The following DNAJC7 variants were observed in gnomAD, a reference collection of about 807,000 sequenced individuals.
DNAJC7 encodes the protein DnaJ heat shock protein family (Hsp40) member C7.
In DNAJC7, 18 loss-of-function variants were observed where a neutral mutation model predicts 67.4. That is an observed-to-expected ratio of 0.27 (90% CI 0.18 to 0.40). The LOEUF is 0.40. Among genes scored for constraint, DNAJC7 ranks in the 10% least tolerant of loss-of-function variants. DNAJC7 has a pLI of 1.00. For missense variants in DNAJC7, 419 were observed against 613.8 expected, an observed-to-expected ratio of 0.68 and a Z score of 3.35; for synonymous variants, 220 against 207.8, an observed-to-expected ratio of 1.06 and a Z score of -0.50.
chr17:41,978,927 T>G (rs924690271), intron 12 of DNAJC7, among the ~76,000 whole-genome samples: 1 of 152,080 alleles, frequency 6.6e-6, no homozygotes, highest in Non-Finnish European at 1.5e-5. Context: ...TTATAGATCT[T>G]CTTAACTGCT....
chr17:42,003,950 A>AT (rs10631965), intron 1 of DNAJC7, among the ~76,000 whole-genome samples: 10,313 of 93,864 alleles, frequency 0.11, 1,233 homozygotes, highest in African/African-American at 0.28. Flanking sequence ...AAGATTTTCA[A>AT]TTTTTTTTTT....
At chr17:41,986,911 T>C (rs2051398202) in intron 9 of DNAJC7, among the ~76,000 whole-genome samples, 1 of 152,204 alleles carries the variant, frequency 6.6e-6, no homozygotes, top group Non-Finnish European at 1.5e-5. Context: ...TACTGGCTCA[T>C]CAGGCATCAG....
rs1171329263 is a variant in DNAJC7 at position 41,994,196 on chromosome 17, C to T, written c.480+674G>A. ...ACTAAAAATACAAAAATTAGCTGGG[C>T]GTGGTGGCGCATGCCTATAATCCCA... On this transcript the variant is annotated intron_variant, in intron 5 of 13. Coordinates refer to ENST00000457167, the MANE Select transcript of DNAJC7 (RefSeq NM_003315.4). 9.2e-5 allele frequency among the ~76,000 whole-genome samples: 14 copies of T among 151,662 alleles called. 1 individual carries two copies. The highest frequency in any genetic ancestry group is 2.2e-4 in the African/African-American group (9 of 41,226).
At position 41,988,800 on chromosome 17, in the gene DNAJC7, C is replaced by G. The variant is rs1249042582; in HGVS notation, c.850G>C (p.Gly284Arg). Residue 284 changes from glycine to arginine, a missense_variant, in exon 8 of 14, where the codon GGG becomes CGG. Physicochemically the swap from Gly to Arg is moderately radical, Grantham distance 125. Transcript: ENST00000457167. ...GTTTTTATATTGTTGGGGTCTATCC[C>G]CAGGGCTTCTGTGTACAGTTCATAT... ...LAYELYTEAL[G>R]IDPNNIKTNA... 6.2e-7 allele frequency: 1 copy of G among 1,613,564 alleles called. No homozygotes were observed. The highest frequency in any genetic ancestry group is 1.3e-5 in the African/African-American group (1 of 74,906).
At chr17:42,010,752 C>G (rs567307199) in intron 1 of DNAJC7, among the ~76,000 whole-genome samples, 13 of 152,136 alleles carry the variant, frequency 8.5e-5, no homozygotes, top group Non-Finnish European at 1.5e-4. Context: ...ATATTAGAAT[C>G]AAGAGAGATG....
chr17:42,012,559 C>A (rs1352320095), intron 1 of DNAJC7, among the ~76,000 whole-genome samples: 1 of 152,188 alleles, frequency 6.6e-6, no homozygotes, highest in Non-Finnish European at 1.5e-5. Flanking sequence ...TGTTTCCCAG[C>A]CCAGGAGATA....
chr17:42,011,092 G>A (rs2052103479), intron 1 of DNAJC7: 1 of 152,166 alleles, frequency 6.6e-6, no homozygotes, highest in Non-Finnish European at 1.5e-5. Flanking sequence ...CTCAGTGCTG[G>A]AGAAAGGGGA....
intron 5 of DNAJC7, among the ~76,000 whole-genome samples, chr17:41,993,630 G>A (rs752224981): frequency 1.1e-3 from 168 of 152,270 alleles, no homozygotes; most frequent in Non-Finnish European, 2.1e-3. Flanking sequence ...TAACCTTTTT[G>A]GGGGTTATCT....
chr17:41,982,946 C>T (rs574126033), intron 10 of DNAJC7, among the ~76,000 whole-genome samples: 1 of 148,690 alleles, frequency 6.7e-6, no homozygotes, highest in South Asian at 2.1e-4. Context: ...GGTGACAGAG[C>T]AGGACTCCAT....
intron 9 of DNAJC7, among the ~76,000 whole-genome samples, chr17:41,986,530 CTTTTTT>C (rs74268062): frequency 7.8e-6 from 1 of 128,700 alleles, no homozygotes; most frequent in East Asian, 2.2e-4. Context: ...CTCCCCCCGC[CTTTTTT>C]TTTTTTTTTT....
intron 5 of DNAJC7, among the ~76,000 whole-genome samples, chr17:41,993,821 GA>G (rs2051575233): frequency 6.6e-6 from 1 of 151,154 alleles, no homozygotes; most frequent in African/African-American, 2.4e-5. Context: ...CAGATCACCT[GA>G]GGTCGGGAGT....
At chr17:41,978,840 A>G (rs2051164497) in intron 12 of DNAJC7, among the ~76,000 whole-genome samples, 1 of 152,222 alleles carries the variant, frequency 6.6e-6, no homozygotes, top group African/African-American at 2.4e-5. Context: ...AGATCGCGCC[A>G]CTGCACTCCA....
At chr17:42,001,794 G>C (rs74657297) in intron 1 of DNAJC7, among the ~76,000 whole-genome samples, 2,964 of 152,208 alleles carry the variant, frequency 0.019, 98 homozygotes, top group African/African-American at 0.069. Flanking sequence ...CTACAAACTG[G>C]TAAAGTCGCC....
chr17:41,984,111 G>A (rs2051315852), intron 9 of DNAJC7, among the ~76,000 whole-genome samples: 1 of 152,174 alleles, frequency 6.6e-6, no homozygotes, highest in Non-Finnish European at 1.5e-5. Flanking sequence ...GCCACTAAAA[G>A]GATCAAGTTC....
chr17:41,977,512 C>T, intron 12 of DNAJC7, 189 bp from the exon 13 acceptor site: 1 of 531,078 alleles, frequency 1.9e-6, no homozygotes, highest in South Asian at 2.4e-5. Flanking sequence ...GCTACCTGAT[C>T]CCACTCCTAG....
chr17:41,988,463 G>A (rs1400084659), intron 8 of DNAJC7, among the ~76,000 whole-genome samples: 1 of 152,220 alleles, frequency 6.6e-6, no homozygotes, highest in African/African-American at 2.4e-5. Context: ...AGGTGCTTAA[G>A]ATTATCCCAC....
In DNAJC7 at chr17:41,981,986, G is replaced by A; in HGVS notation, c.1253C>T (p.Ala418Val). 2 of 1,613,998 alleles carry A rather than the reference G, an allele frequency of 1.2e-6. No individual in the cohort carries two copies. The highest frequency in any genetic ancestry group is 1.7e-6 in the Non-Finnish European group (2 of 1,179,890). ...HHPDRHSGAS[A>V]EVQKEEEKKF... ...CTTCTCCTCCTCCTTCTGAACCTCAGCACTGGCTCCACTATGCCGATCTAA... is the reference window on the plus strand; with the variant it reads ...CTTCTCCTCCTCCTTCTGAACCTCAACACTGGCTCCACTATGCCGATCTAA... Residue 418 changes from alanine (A) to valine (V), a missense_variant, in exon 12 of 14, where the codon GCT (alanine) becomes GTT (valine). By Grantham distance (64) the Ala-to-Val change is moderately conservative. This residue lies in a region of DNAJC7 where 161 missense variants were observed against 252.2 expected (regional missense o/e 0.64). Coordinates refer to ENST00000457167, the MANE Select transcript of DNAJC7 (RefSeq NM_003315.4).
chr17:41,981,886 C>G lies in DNAJC7; in HGVS notation c.1353G>C (p.Gln451His). Residue 451 changes from glutamine to histidine, a missense_variant, in exon 12 of 14, where the codon CAG becomes CAC. Around this residue, in one of 4 missense-constraint regions of DNAJC7, gnomAD observed 161 missense variants for 252.2 expected, o/e 0.64. Transcript: ENST00000457167. ...PKKKTRYDSG[Q>H]DLDEEGMNMG... ...TATTCATGCCCTCCTCATCTAGGTC[C>G]TGTCCACTGTCATAGCGAGTCTTTT... 2 of 1,613,996 alleles carry G rather than the reference C, an allele frequency of 1.2e-6. No homozygotes were observed. Among genetic ancestry groups the G allele is most frequent in the Non-Finnish European group, 1.7e-6 (2 of 1,179,890 alleles).
intron 12 of DNAJC7, among the ~76,000 whole-genome samples, chr17:41,978,696 A>G (rs2051157488): frequency 6.6e-6 from 1 of 151,884 alleles, no homozygotes. Flanking sequence ...CGTCTCTACT[A>G]AAAAAAATAA....
Sources: allele counts gnomAD v4.1 joint callset (sites outside exome capture counted in the v4.1 genomes callset), GRCh38; gene constraint gnomAD v4.1.1; regional missense constraint gnomAD v4.1.1; transcripts MANE v1.5; gene names NCBI Gene and HGNC (gene_info 2026-07-23, HGNC 2026-07-21).